KITLG: variants seen among roughly 807,000 people sequenced by gnomAD.
The protein encoded by KITLG is KIT ligand.
KITLG carries 13 observed loss-of-function variants against 34.1 expected under a neutral mutation model. The ratio of observed to expected loss-of-function variants is 0.38; its 90% CI spans 0.25 to 0.61. The LOEUF is 0.61. KITLG is among the 20% of genes least tolerant of loss of function. The pLI, the probability that KITLG is intolerant of heterozygous loss-of-function variation, is 0.60. For synonymous variants in KITLG, 110 were observed against 104.0 expected, an observed-to-expected ratio of 1.06 and a Z score of -0.35; for missense variants, 292 against 318.9, an observed-to-expected ratio of 0.92 and a Z score of 0.64.
intron 1 of KITLG, among the ~76,000 whole-genome samples, chr12:88,563,681 C>T (rs1359534949): frequency 1.3e-5 from 2 of 152,160 alleles, no homozygotes; most frequent in Non-Finnish European, 2.9e-5. Context: ...GAAGATGTGG[C>T]CGGGCGCAGT....
At chr12:88,521,035 C>G (rs1364600310) in intron 3 of KITLG, among the ~76,000 whole-genome samples, 1 of 152,122 alleles carries the variant, frequency 6.6e-6, no homozygotes, top group Non-Finnish European at 1.5e-5. Flanking sequence ...GCCTACACAG[C>G]TGAAAAATCG....
At chr12:88,511,994 C>T (rs542340917) in intron 6 of KITLG, among the ~76,000 whole-genome samples, 2 of 152,164 alleles carry the variant, frequency 1.3e-5, no homozygotes, top group South Asian at 2.1e-4. Context: ...TTCATAATAT[C>T]CAGCATATAT....
intron 1 of KITLG, among the ~76,000 whole-genome samples, chr12:88,546,504 G>A (rs911576230): frequency 2.0e-5 from 3 of 151,952 alleles, no homozygotes; most frequent in Non-Finnish European, 2.9e-5. Flanking sequence ...TCTCTCTCTC[G>A]AACACACATA....
At chr12:88,515,483 A>G (rs1004089631) in intron 6 of KITLG, 51 bp downstream of exon 6, 7 of 1,111,462 alleles carry the variant, frequency 6.3e-6, no homozygotes, top group Non-Finnish European at 9.7e-6. Context: ...CAATACTCCT[A>G]TAGGTGCTAA....
At chr12:88,518,927 C>T (rs1041750737) in intron 3 of KITLG, 60 bp from the exon 4 acceptor site, 10 of 1,438,414 alleles carry the variant, frequency 7.0e-6, no homozygotes, top group East Asian at 2.3e-5. Context: ...CCATAAAACT[C>T]GGAGTACTCT....
intron 6 of KITLG, among the ~76,000 whole-genome samples, chr12:88,508,769 T>C (rs1021386954): frequency 3.9e-5 from 6 of 152,162 alleles, no homozygotes; most frequent in African/African-American, 1.4e-4. Flanking sequence ...TGGAGCCCAA[T>C]GTGAATTTTC....
At chr12:88,540,666 A>C (rs902271568) in intron 2 of KITLG, among the ~76,000 whole-genome samples, 1 of 152,162 alleles carries the variant, frequency 6.6e-6, no homozygotes, top group Non-Finnish European at 1.5e-5. Flanking sequence ...TTCAATGAGC[A>C]GAAGACATAT....
At chr12:88,558,272 T>C (rs1871167064) in intron 1 of KITLG, among the ~76,000 whole-genome samples, 1 of 152,028 alleles carries the variant, frequency 6.6e-6, no homozygotes, top group Non-Finnish European at 1.5e-5. Context: ...TAAATAAAAA[T>C]CTGAGGAAGC....
chr12:88,515,684 G>A, intron 5 of KITLG, 67 bp from the exon 6 acceptor site: 5 of 1,184,962 alleles, frequency 4.2e-6, no homozygotes, highest in Non-Finnish European at 6.3e-6. Flanking sequence ...GTCCCTGAAA[G>A]GTGAAGTGCA....
intron 2 of KITLG, 67 bp from the exon 3 acceptor site, chr12:88,532,570 C>T (rs1870138667): frequency 4.6e-6 from 5 of 1,089,960 alleles, no homozygotes; most frequent in Non-Finnish European, 6.9e-6. Flanking sequence ...ATTTGTAGTG[C>T]TTTGGAGAAA....
At chr12:88,573,651 T>C (rs560526871) in intron 1 of KITLG, among the ~76,000 whole-genome samples, 1 of 152,258 alleles carries the variant, frequency 6.6e-6, no homozygotes. Context: ...GAACTTCTGC[T>C]CCTGAAAAGG....
chr12:88,509,113 C>A (rs1441952280), intron 6 of KITLG, among the ~76,000 whole-genome samples: 1 of 152,126 alleles, frequency 6.6e-6, no homozygotes, highest in African/African-American at 2.4e-5. Flanking sequence ...AGGCCATAAT[C>A]AATGTACACA....
intron 1 of KITLG, among the ~76,000 whole-genome samples, chr12:88,562,318 T>C (rs1871323778): frequency 6.6e-6 from 1 of 152,234 alleles, no homozygotes; most frequent in Non-Finnish European, 1.5e-5. Context: ...GGGGCAGAGA[T>C]GAAGGCTGGA....
At position 88,516,477 on chromosome 12, in the gene KITLG, G is replaced by T; in HGVS notation, c.377C>A (p.Ser126Ter). 6.3e-7 allele frequency: 1 copy of T among 1,598,832 alleles called. No homozygotes were observed. The highest frequency in any genetic ancestry group is 1.1e-5 in the South Asian group (1 of 88,916). ...GAGCCTGGGTTCTGGGCTCTTGAAT[G>T]ATTTTTTTAGATCCTAGAAGAAAAA... ...KENSSKDLKK[S>*]FKSPEPRLFT... The change falls in exon 5 of 10, where the codon TCA (serine) becomes TAA (stop). Residue 126 changes from serine (S) to a stop codon, truncating the protein, a stop_gained. Transcript: ENST00000644744. LOFTEE classifies it high-confidence loss of function.
At chr12:88,540,516 C>T (rs1002510926) in intron 2 of KITLG, among the ~76,000 whole-genome samples, 6 of 152,152 alleles carry the variant, frequency 3.9e-5, no homozygotes, top group African/African-American at 1.4e-4. Flanking sequence ...AACCAAGGAG[C>T]AGGCTGCACA....
intron 1 of KITLG, among the ~76,000 whole-genome samples, chr12:88,572,899 A>G (rs1186938433): frequency 6.6e-6 from 1 of 152,160 alleles, no homozygotes; most frequent in Non-Finnish European, 1.5e-5. Flanking sequence ...TCCTCTGACT[A>G]ACAGAGCACA....
chr12:88,560,863 G>T (rs1040457903), intron 1 of KITLG, among the ~76,000 whole-genome samples: 6 of 151,760 alleles, frequency 4.0e-5, no homozygotes, highest in Non-Finnish European at 5.9e-5. Context: ...AGCTACCTGG[G>T]GGGCTGAGGC....
intron 6 of KITLG, among the ~76,000 whole-genome samples, chr12:88,515,111 A>G (rs1229762300): frequency 6.6e-6 from 1 of 151,844 alleles, no homozygotes; most frequent in Non-Finnish European, 1.5e-5. Context: ...TTGGAATTCT[A>G]TACAACCAGC....
At chr12:88,531,600 C>A (rs1288491081) in intron 3 of KITLG, among the ~76,000 whole-genome samples, 1 of 152,114 alleles carries the variant, frequency 6.6e-6, no homozygotes, top group African/African-American at 2.4e-5. Flanking sequence ...AACACATACA[C>A]TTGTTGTAAG....
Sources: allele counts gnomAD v4.1 joint callset (sites outside exome capture counted in the v4.1 genomes callset), GRCh38; gene constraint gnomAD v4.1.1; transcripts MANE v1.5; gene names NCBI Gene and HGNC (gene_info 2026-07-23, HGNC 2026-07-21).